The following CCDC148 variants were observed in gnomAD, a reference collection of about 807,000 sequenced individuals.
The protein encoded by CCDC148 is coiled-coil domain containing 148.
In CCDC148, 89 loss-of-function variants were observed where a neutral mutation model predicts 85.7. The observed-to-expected ratio is 1.04, with a 90% CI of 0.87 to 1.24. CCDC148 has a LOEUF of 1.24. CCDC148 is among the 50% of genes most tolerant of loss of function. The pLI is 0.00. For synonymous variants in CCDC148, 230 were observed against 213.9 expected, an observed-to-expected ratio of 1.08 and a Z score of -0.66; for missense variants, 692 against 671.7, an observed-to-expected ratio of 1.03 and a Z score of -0.33.
intron 10 of CCDC148, among the ~76,000 whole-genome samples, chr2:158,224,022 G>A (rs764633284): frequency 9.2e-5 from 14 of 152,084 alleles, no homozygotes; most frequent in Non-Finnish European, 1.9e-4. Context: ...AAACTACTCC[G>A]AGCTAAAGGA....
chr2:158,281,063 T>C (rs1475913357), intron 9 of CCDC148, among the ~76,000 whole-genome samples: 3 of 152,166 alleles, frequency 2.0e-5, no homozygotes, highest in Non-Finnish European at 4.4e-5. Flanking sequence ...GAAATAAAGA[T>C]GTTCTTTGAA....
intron 1 of CCDC148, among the ~76,000 whole-genome samples, chr2:158,367,333 T>A (rs7604777): frequency 0.18 from 26,985 of 152,124 alleles, 3,918 homozygotes; most frequent in African/African-American, 0.4. Context: ...AATTCTGCCA[T>A]CCATAGCTTA....
chr2:158,443,230 T>C (rs1328520264), intron 1 of CCDC148, among the ~76,000 whole-genome samples: 1 of 151,364 alleles, frequency 6.6e-6, no homozygotes, highest in African/African-American at 2.4e-5. Context: ...TGTCAGCACT[T>C]TGGGAGTCGG....
At chr2:158,313,565 G>A (rs904709581) in intron 8 of CCDC148, among the ~76,000 whole-genome samples, 191 bp downstream of exon 8, 2 of 152,290 alleles carry the variant, frequency 1.3e-5, no homozygotes, top group East Asian at 1.9e-4. Context: ...CCCCCACCTC[G>A]TTATGGACAG....
intron 7 of CCDC148, among the ~76,000 whole-genome samples, chr2:158,334,229 G>C (rs1424131844): frequency 6.6e-6 from 1 of 152,102 alleles, no homozygotes; most frequent in African/African-American, 2.4e-5. Context: ...CTCATTACTG[G>C]TTCCTGCAGA....
At chr2:158,337,740 T>C (rs953936271) in intron 7 of CCDC148, among the ~76,000 whole-genome samples, 1 of 152,062 alleles carries the variant, frequency 6.6e-6, no homozygotes, top group Non-Finnish European at 1.5e-5. Context: ...CTAAGACCAA[T>C]AGAAGCTATA....
At chr2:158,250,325 C>G (rs928117803) in intron 10 of CCDC148, among the ~76,000 whole-genome samples, 3 of 151,940 alleles carry the variant, frequency 2.0e-5, no homozygotes, top group African/African-American at 4.8e-5. Flanking sequence ...GAAGTAAACT[C>G]TAAAGGGCAT....
At chr2:158,225,559 A>G (rs1217628243) in intron 10 of CCDC148, among the ~76,000 whole-genome samples, 5 of 152,208 alleles carry the variant, frequency 3.3e-5, no homozygotes, top group African/African-American at 4.8e-5. Flanking sequence ...TTGGAAGTAA[A>G]GCACTCCTCA....
chr2:158,370,720 T>C (rs1022701404), intron 1 of CCDC148, among the ~76,000 whole-genome samples: 14 of 151,898 alleles, frequency 9.2e-5, no homozygotes, highest in African/African-American at 2.9e-4. Flanking sequence ...AGAACTAATA[T>C]AAATGGTTAA....
intron 3 of CCDC148, among the ~76,000 whole-genome samples, chr2:158,341,001 A>G (rs1682657961): frequency 6.6e-6 from 1 of 152,182 alleles, no homozygotes; most frequent in Non-Finnish European, 1.5e-5. Context: ...AAGATTCCCA[A>G]GACAACAAGA....
chr2:158,409,079 T>C (rs530802533), intron 1 of CCDC148, among the ~76,000 whole-genome samples: 1 of 152,112 alleles, frequency 6.6e-6, no homozygotes, highest in Non-Finnish European at 1.5e-5. Context: ...GAGAGAAATA[T>C]ATATATGTAT....
intron 1 of CCDC148, chr2:158,425,189 T>C: frequency 1.9e-6 from 1 of 530,664 alleles, no homozygotes; most frequent in Non-Finnish European, 3.8e-6. Context: ...ATGCTGGGTA[T>C]AACTATAGGA....
chr2:158,414,942 G>A (rs1234187975), intron 1 of CCDC148, among the ~76,000 whole-genome samples: 1 of 151,804 alleles, frequency 6.6e-6, no homozygotes, highest in Non-Finnish European at 1.5e-5. Context: ...AGACATGAAT[G>A]TAAAAAGTGT....
intron 1 of CCDC148, among the ~76,000 whole-genome samples, chr2:158,436,798 A>G (rs186423347): frequency 8.2e-4 from 125 of 152,350 alleles, no homozygotes; most frequent in African/African-American, 2.7e-3. Context: ...AGGGGATATC[A>G]CCACTGATCC....
At chr2:158,407,463 T>C (rs1686075557) in intron 1 of CCDC148, among the ~76,000 whole-genome samples, 1 of 152,156 alleles carries the variant, frequency 6.6e-6, no homozygotes, top group South Asian at 2.1e-4. Flanking sequence ...ATACATAGCT[T>C]CTCCAAAACT....
At chr2:158,402,344 T>C (rs1685818716) in intron 1 of CCDC148, among the ~76,000 whole-genome samples, 1 of 151,962 alleles carries the variant, frequency 6.6e-6, no homozygotes, top group Admixed American at 6.6e-5. Context: ...TTTTTCTTTA[T>C]AATTTTCCTT....
At chr2:158,195,254 C>T (rs929806996) in intron 11 of CCDC148, among the ~76,000 whole-genome samples, 1 of 151,984 alleles carries the variant, frequency 6.6e-6, no homozygotes, top group Non-Finnish European at 1.5e-5. Flanking sequence ...CTGCTCTTTT[C>T]CATTTCCCCC....
chr2:158,349,276 A>C (rs1232588607), intron 2 of CCDC148, among the ~76,000 whole-genome samples: 1 of 152,020 alleles, frequency 6.6e-6, no homozygotes, highest in Non-Finnish European at 1.5e-5. Context: ...AAAGTGCTGT[A>C]ATAATTAACA....
chr2:158,340,845 A>G (rs946412180), intron 3 of CCDC148, among the ~76,000 whole-genome samples, 165 bp from the exon 4 acceptor site: 2 of 152,224 alleles, frequency 1.3e-5, no homozygotes, highest in African/African-American at 4.8e-5. Flanking sequence ...ACACTGAGGT[A>G]GATGCATAGG....
Sources: allele counts gnomAD v4.1 joint callset (sites outside exome capture counted in the v4.1 genomes callset), GRCh38; gene constraint gnomAD v4.1.1; transcripts MANE v1.5; gene names NCBI Gene and HGNC (gene_info 2026-07-23, HGNC 2026-07-21).